The following TMEM132D variants were observed in gnomAD, a reference collection of about 807,000 sequenced individuals.
TMEM132D encodes the protein mature OL transmembrane protein.
In TMEM132D, 21 loss-of-function variants were observed where a neutral mutation model predicts 62.3. The observed-to-expected ratio is 0.34, with a 90% CI of 0.24 to 0.49. The LOEUF is 0.49. TMEM132D is among the 20% of genes least tolerant of loss of function. The pLI, the probability that TMEM132D is intolerant of heterozygous loss-of-function variation, is 0.99. For missense variants in TMEM132D, 1,346 were observed against 1,402.8 expected (o/e 0.96, Z 0.65); for synonymous variants, 621 against 575.6 (o/e 1.08, Z -1.13).
chr12:129,229,018 T>C (rs969180831), intron 4 of TMEM132D, among the ~76,000 whole-genome samples: 2 of 152,154 alleles, frequency 1.3e-5, no homozygotes, highest in Non-Finnish European at 2.9e-5. Context: ...GACGTCTCCA[T>C]TGAATTGGGA....
At chr12:129,703,917 T>A (rs1881443124) in intron 1 of TMEM132D, among the ~76,000 whole-genome samples, 1 of 81,328 alleles carries the variant, frequency 1.2e-5, no homozygotes, top group African/African-American at 3.8e-5. Context: ...TCGAATACGG[T>A]AATAGGCAAA....
chr12:129,132,163 T>C (rs1179098386), intron 5 of TMEM132D, among the ~76,000 whole-genome samples: 2 of 152,238 alleles, frequency 1.3e-5, no homozygotes, highest in Non-Finnish European at 2.9e-5. Context: ...ACATTTTTTC[T>C]TTAAATATGC....
chr12:129,709,252 C>T (rs1881582538), intron 1 of TMEM132D, among the ~76,000 whole-genome samples: 1 of 152,122 alleles, frequency 6.6e-6, no homozygotes, highest in Non-Finnish European at 1.5e-5. Context: ...CTCTCTGCCC[C>T]ATTCATTGTA....
intron 3 of TMEM132D, among the ~76,000 whole-genome samples, chr12:129,338,885 C>G (rs1869375728): frequency 6.6e-6 from 1 of 151,852 alleles, no homozygotes; most frequent in Admixed American, 6.6e-5. Flanking sequence ...TTCCAGGGAG[C>G]CTTGTTCTCA....
chr12:129,752,631 G>T (rs1044698225), intron 1 of TMEM132D, among the ~76,000 whole-genome samples: 11 of 152,224 alleles, frequency 7.2e-5, no homozygotes, highest in Non-Finnish European at 1.2e-4. Flanking sequence ...GCTGGCCAAA[G>T]CTATGCCATT....
At chr12:129,416,917 G>A (rs1276065421) in intron 3 of TMEM132D, among the ~76,000 whole-genome samples, 1 of 152,124 alleles carries the variant, frequency 6.6e-6, no homozygotes, top group African/African-American at 2.4e-5. Context: ...TGGATAAGCT[G>A]TTTGATGTGC....
At chr12:129,246,524 G>A (rs1447774872) in intron 4 of TMEM132D, among the ~76,000 whole-genome samples, 1 of 152,184 alleles carries the variant, frequency 6.6e-6, no homozygotes, top group African/African-American at 2.4e-5. Context: ...GGGAGGCCGA[G>A]GCAGGTGGAT....
intron 2 of TMEM132D, among the ~76,000 whole-genome samples, chr12:129,614,930 C>T (rs929538704): frequency 4.6e-5 from 7 of 152,134 alleles, no homozygotes; most frequent in Admixed American, 2.0e-4. Context: ...CATTTCTAAC[C>T]TCTAACTGAA....
At chr12:129,493,836 G>A (rs1048766636) in intron 3 of TMEM132D, among the ~76,000 whole-genome samples, 6 of 152,226 alleles carry the variant, frequency 3.9e-5, no homozygotes, top group Non-Finnish European at 5.9e-5. Flanking sequence ...CTGTTGACAT[G>A]TTTGGGGATC....
chr12:129,652,389 C>A (rs1372042440), intron 2 of TMEM132D, among the ~76,000 whole-genome samples: 1 of 152,146 alleles, frequency 6.6e-6, no homozygotes, highest in Non-Finnish European at 1.5e-5. Flanking sequence ...AGCCCTGGAA[C>A]CTGCGAATGT....
intron 1 of TMEM132D, among the ~76,000 whole-genome samples, chr12:129,707,187 T>C (rs1850810795): frequency 6.8e-6 from 1 of 148,076 alleles, no homozygotes; most frequent in Admixed American, 6.8e-5. Context: ...ATATCTATAA[T>C]AACATTGTAA....
intron 1 of TMEM132D, among the ~76,000 whole-genome samples, chr12:129,766,924 C>A (rs933576742): frequency 3.9e-4 from 59 of 152,250 alleles, no homozygotes; most frequent in African/African-American, 1.4e-3. Context: ...AAGTTACCAC[C>A]CATTTTCCAG....
intron 3 of TMEM132D, among the ~76,000 whole-genome samples, chr12:129,374,324 C>T (rs555812359): frequency 1.4e-5 from 2 of 145,520 alleles, no homozygotes; most frequent in South Asian, 4.4e-4. Flanking sequence ...GATTCTAATC[C>T]TATCATAATA....
At chr12:129,358,224 T>C (rs1230054904) in intron 3 of TMEM132D, among the ~76,000 whole-genome samples, 1 of 152,190 alleles carries the variant, frequency 6.6e-6, no homozygotes, top group Admixed American at 6.5e-5. Flanking sequence ...CTTCCTTTTA[T>C]TTCTGGGTTT....
chr12:129,461,908 G>A (rs777801413), intron 3 of TMEM132D, among the ~76,000 whole-genome samples: 2 of 152,128 alleles, frequency 1.3e-5, no homozygotes, highest in African/African-American at 2.4e-5. Context: ...GAAAGAACAA[G>A]GAGACATTCT....
At chr12:129,733,022 C>T (rs1052228507) in intron 1 of TMEM132D, among the ~76,000 whole-genome samples, 4 of 152,186 alleles carry the variant, frequency 2.6e-5, no homozygotes, top group African/African-American at 9.7e-5. Context: ...CTCTGTGTCA[C>T]CCACCCCTCT....
At chr12:129,373,271 TA>T (rs1870671389) in intron 3 of TMEM132D, among the ~76,000 whole-genome samples, 2 of 152,164 alleles carry the variant, frequency 1.3e-5, no homozygotes, top group Admixed American at 6.5e-5. Context: ...ATTTAAGTGA[TA>T]AAAGTTTGGG....
chr12:129,155,819 G>A, intron 5 of TMEM132D, among the ~76,000 whole-genome samples: 1 of 151,544 alleles, frequency 6.6e-6, no homozygotes, highest in African/African-American at 2.4e-5. Flanking sequence ...CCAAACCACT[G>A]CTGAGATAAC....
intron 2 of TMEM132D, among the ~76,000 whole-genome samples, chr12:129,643,366 G>A (rs984390145): frequency 3.3e-5 from 5 of 152,058 alleles, no homozygotes; most frequent in Admixed American, 6.6e-5. Context: ...CCAGCCCACC[G>A]CCTGCTTTGA....
Sources: gnomAD v4.1 joint callset for allele counts (sites outside exome capture counted in the v4.1 genomes callset) on GRCh38, gnomAD v4.1.1 for gene constraint, MANE v1.5 for transcripts, NCBI Gene and HGNC (gene_info 2026-07-23, HGNC 2026-07-21) for gene names.